CHRM3: variants seen among roughly 807,000 people sequenced by gnomAD.
CHRM3 encodes the protein muscarinic acetylcholine receptor M3.
Under a neutral mutation model 41.8 loss-of-function variants are expected in CHRM3, and 11 were observed. The observed-to-expected ratio is 0.26, with a 90% confidence interval of 0.17 to 0.44. The LOEUF (loss-of-function observed/expected upper bound fraction) is 0.44. Among genes scored for constraint, CHRM3 ranks in the 20% least tolerant of loss-of-function variants. CHRM3 has a pLI of 1.00. For synonymous variants in CHRM3, 297 were observed against 301.4 expected (o/e 0.99, Z 0.15); for missense variants, 571 against 745.4 (o/e 0.77, Z 2.72).
At chr1:239,757,152 A>T (rs1478875334) in intron 5 of CHRM3, among the ~76,000 whole-genome samples, 1 of 152,214 alleles carries the variant, frequency 6.6e-6, no homozygotes, top group Non-Finnish European at 1.5e-5. Flanking sequence ...AAAGGTTTTT[A>T]AAAAACTGTT....
intron 4 of CHRM3, among the ~76,000 whole-genome samples, chr1:239,677,361 T>C (rs1013449834): frequency 9.2e-5 from 14 of 152,234 alleles, no homozygotes; most frequent in Admixed American, 9.2e-4. Context: ...GTTGAATCGG[T>C]AAAGTGGGTG....
chr1:239,881,139 C>T (rs1220744316), intron 6 of CHRM3, among the ~76,000 whole-genome samples: 5 of 151,566 alleles, frequency 3.3e-5, no homozygotes, highest in Non-Finnish European at 7.4e-5. Context: ...AAAAATTAGC[C>T]GGGCGTGGTG....
intron 6 of CHRM3, among the ~76,000 whole-genome samples, chr1:239,892,343 C>G (rs1452174759): frequency 6.6e-6 from 1 of 152,148 alleles, no homozygotes; most frequent in Non-Finnish European, 1.5e-5. Context: ...TTCATTTTCA[C>G]AGATAGGTGG....
intron 6 of CHRM3, among the ~76,000 whole-genome samples, chr1:239,895,293 G>A (rs145499479): frequency 4.0e-5 from 6 of 151,252 alleles, no homozygotes; most frequent in Non-Finnish European, 7.3e-5. Flanking sequence ...GTGCCACTGG[G>A]AGAGTTTGGG....
chr1:239,645,985 G>C (rs184749185), intron 4 of CHRM3, among the ~76,000 whole-genome samples: 67 of 152,146 alleles, frequency 4.4e-4, no homozygotes, highest in African/African-American at 1.6e-3. Context: ...GAAAATTAAA[G>C]CATAACATTT....
chr1:239,698,727 T>C (rs1017610646), intron 5 of CHRM3, among the ~76,000 whole-genome samples: 4 of 152,146 alleles, frequency 2.6e-5, no homozygotes, highest in Non-Finnish European at 5.9e-5. Flanking sequence ...TGCAGAAACA[T>C]TGAGTTTAAT....
At chr1:239,521,325 G>T (rs559911318) in intron 2 of CHRM3, among the ~76,000 whole-genome samples, 7 of 152,110 alleles carry the variant, frequency 4.6e-5, no homozygotes, top group African/African-American at 1.7e-4. Flanking sequence ...GACCTTTAGA[G>T]TTATGGTTCC....
intron 5 of CHRM3, among the ~76,000 whole-genome samples, chr1:239,693,641 A>G (rs1000809724): frequency 5.9e-5 from 9 of 152,334 alleles, no homozygotes; most frequent in African/African-American, 2.2e-4. Context: ...TAGAAATTGG[A>G]TAGCCTTTCC....
chr1:239,421,137 C>T (rs1558210869), intron 1 of CHRM3, among the ~76,000 whole-genome samples: 3 of 152,138 alleles, frequency 2.0e-5, no homozygotes, highest in Admixed American at 2.0e-4. Flanking sequence ...CATTATTCAA[C>T]AGATATTTAT....
chr1:239,731,390 A>G (rs1319733612), intron 5 of CHRM3, among the ~76,000 whole-genome samples: 2 of 151,974 alleles, frequency 1.3e-5, no homozygotes, highest in East Asian at 1.9e-4. Flanking sequence ...TTATATTGCA[A>G]GTGATATTGG....
intron 4 of CHRM3, among the ~76,000 whole-genome samples, chr1:239,666,161 C>A (rs915110487): frequency 1.3e-5 from 2 of 151,444 alleles, no homozygotes; most frequent in Admixed American, 1.3e-4. Context: ...CCTATTTCTC[C>A]ACATCCTCTC....
At position 239,443,297 on chromosome 1, in the gene CHRM3, G is replaced by A. The variant is rs146430706; in HGVS notation, c.-520-49412G>A. ...CTGATGATTGTATAATTTGTCTTTC[G>A]TCATAGAGTCTCCTGATATGGTATT... On this transcript the variant is annotated intron_variant, in intron 1 of 6. Coordinates refer to ENST00000676153, the MANE Select transcript of CHRM3 (RefSeq NM_001375978.1). 2.1e-3 allele frequency among the ~76,000 whole-genome samples: 315 copies of A among 152,240 alleles called. 1 individual carries two copies. The highest frequency in any genetic ancestry group is 6.4e-3 in the African/African-American group (266 of 41,544).
intron 1 of CHRM3, among the ~76,000 whole-genome samples, chr1:239,436,704 C>T (rs1663299555): frequency 6.6e-6 from 1 of 152,014 alleles, no homozygotes; most frequent in Non-Finnish European, 1.5e-5. Context: ...TAATTTCCTT[C>T]CCTCAAATGC....
At chr1:239,696,046 A>G (rs1029459998) in intron 5 of CHRM3, among the ~76,000 whole-genome samples, 6 of 152,200 alleles carry the variant, frequency 3.9e-5, no homozygotes, top group Non-Finnish European at 8.8e-5. Flanking sequence ...ACTGTTAATT[A>G]CAATACAGAG....
chr1:239,536,209 C>T (rs144427001), intron 2 of CHRM3, among the ~76,000 whole-genome samples: 338 of 152,268 alleles, frequency 2.2e-3, no homozygotes, highest in Non-Finnish European at 3.9e-3. Flanking sequence ...ATTCTAACCT[C>T]AGCTTTGGTT....
At position 239,473,291 on chromosome 1, in the gene CHRM3, A is replaced by G. The variant is rs189687817; in HGVS notation, c.-520-19418A>G. The stretch of plus-strand genomic sequence containing the variant: ...AAAAAAAAAAAAAAAAGGACTTGCG[A>G]AAGTAAAAAGCAAGTCAGAGACTGG... On this transcript the variant is annotated intron_variant, in intron 1 of 6. Coordinates refer to ENST00000676153, the MANE Select transcript of CHRM3 (RefSeq NM_001375978.1). Among the ~76,000 whole-genome samples the G allele has an allele frequency of 1.5e-3, 226 of 151,346 alleles. 2 individuals carry two copies. In the Middle Eastern group the frequency reaches 0.028, roughly 19 times the overall value.
At chr1:239,500,529 A>G (rs1334632267) in intron 2 of CHRM3, among the ~76,000 whole-genome samples, 3 of 152,046 alleles carry the variant, frequency 2.0e-5, no homozygotes, top group Non-Finnish European at 4.4e-5. Context: ...TGATGAGTTA[A>G]TGGGTGCAAC....
At chr1:239,818,179 G>A (rs1671747619) in intron 5 of CHRM3, among the ~76,000 whole-genome samples, 1 of 152,042 alleles carries the variant, frequency 6.6e-6, no homozygotes, top group African/African-American at 2.4e-5. Context: ...TTATCACTGG[G>A]TCTTCACATG....
intron 5 of CHRM3, among the ~76,000 whole-genome samples, chr1:239,725,935 T>C (rs1429344348): frequency 6.6e-6 from 1 of 151,930 alleles, no homozygotes; most frequent in Non-Finnish European, 1.5e-5. Context: ...AAAACACCAG[T>C]GTAAATGTCT....
Sources: gnomAD v4.1 joint callset for allele counts (sites outside exome capture counted in the v4.1 genomes callset) on GRCh38, gnomAD v4.1.1 for gene constraint, MANE v1.5 for transcripts, NCBI Gene and HGNC (gene_info 2026-07-23, HGNC 2026-07-21) for gene names.